The following TXNDC9 variants were observed in gnomAD, a reference collection of about 807,000 sequenced individuals.
TXNDC9 encodes thioredoxin domain-containing protein 9.
A neutral mutation model predicts 23.0 loss-of-function variants in TXNDC9; 7 were observed. The observed-to-expected ratio is 0.30, with a 90% CI of 0.17 to 0.57. The LOEUF is 0.57. TXNDC9 is among the 20% of genes least tolerant of loss of function. TXNDC9 has a pLI of 0.90. For synonymous variants in TXNDC9, 72 were observed against 90.6 expected, an observed-to-expected ratio of 0.79 and a Z score of 1.17; for missense variants, 198 against 252.6, an observed-to-expected ratio of 0.78 and a Z score of 1.47.
intron 2 of TXNDC9, among the ~76,000 whole-genome samples, chr2:99,329,015 A>AT (rs1486219262): frequency 1.3e-5 from 2 of 152,118 alleles, no homozygotes; most frequent in Admixed American, 6.6e-5. Context: ...TGCTTATGAG[A>AT]TAAACCCAAT....
At chr2:99,336,009 C>T (rs1201007220) in intron 1 of TXNDC9, among the ~76,000 whole-genome samples, 1 of 152,338 alleles carries the variant, frequency 6.6e-6, no homozygotes, top group South Asian at 2.1e-4. Context: ...ACCCCAGGTA[C>T]CTCCCCAATG....
chr2:99,310,318 C>T, the TXNDC9 span, among the ~76,000 whole-genome samples: 1 of 152,106 alleles, frequency 6.6e-6, no homozygotes, highest in Non-Finnish European at 1.5e-5. Context: ...CTCTGTTGTC[C>T]AGGCTGGAAT....
rs188212684 is a variant in TXNDC9, at chr2:99,325,936, G to A, written c.308+1599C>T. Among the ~76,000 whole-genome samples the A allele has an allele frequency of 2.4e-4, 37 of 152,092 alleles. 1 individual carries two copies. The highest frequency in any genetic ancestry group is 8.9e-4 in the African/African-American group (37 of 41,488). On this transcript the variant is annotated intron_variant, in intron 3 of 4. Coordinates refer to ENST00000264255, the MANE Select transcript of TXNDC9 (RefSeq NM_005783.4). Reference sequence around the variant, plus strand: ...TGAGGCAGGAGAATCACTTGAACCCGGGAGGTGGAGGTTGGAGTGAGCCAA... The same window carrying A: ...TGAGGCAGGAGAATCACTTGAACCCAGGAGGTGGAGGTTGGAGTGAGCCAA...
At chr2:99,311,947 A>AC in the TXNDC9 span, among the ~76,000 whole-genome samples, 5 of 134,668 alleles carry the variant, frequency 3.7e-5, no homozygotes, top group African/African-American at 1.3e-4. Context: ...ATCCTGTATA[A>AC]TAAAAAAGGA....
chr2:99,327,725 C>A, intron 2 of TXNDC9, 72 bp from the exon 3 acceptor site: 1 of 858,800 alleles, frequency 1.2e-6, no homozygotes, highest in Non-Finnish European at 1.8e-6. Flanking sequence ...TTTTAAGTGT[C>A]CAAATCACCA....
chr2:99,322,050 A>C lies in TXNDC9; in HGVS notation c.468T>G (p.Asp156Glu). Reference protein sequence around the residue: ...LALLKDGKTQDYVVGFTDLGN... With the variant: ...LALLKDGKTQEYVVGFTDLGN... ...CTAGGTCAGTAAACCCAACAACATA[A>C]TCTTGTGTTTTCCCATCTTTTAGCA... is the stretch of plus-strand genomic sequence containing the variant. Residue 156 changes from aspartate to glutamate, a missense_variant, in exon 4 of 5, where the codon GAT becomes GAG. Asp to Glu is a conservative substitution (Grantham distance 45, BLOSUM62 2). Transcript: ENST00000264255. 2 of 1,614,134 alleles carry C rather than the reference A, an allele frequency of 1.2e-6. No individual in the cohort carries two copies. The highest frequency in any genetic ancestry group is 1.1e-5 in the South Asian group (1 of 91,082).
At chr2:99,310,036 A>G in the TXNDC9 span, among the ~76,000 whole-genome samples, 3 of 152,182 alleles carry the variant, frequency 2.0e-5, no homozygotes, top group African/African-American at 7.2e-5. Flanking sequence ...TGGGAATAAA[A>G]AGAGTACCTA....
At chr2:99,335,837 G>T (rs2094238225) in intron 1 of TXNDC9, among the ~76,000 whole-genome samples, 1 of 152,188 alleles carries the variant, frequency 6.6e-6, no homozygotes, top group Non-Finnish European at 1.5e-5. Flanking sequence ...GCAACCCCTC[G>T]TTAGCTTTTC....
the TXNDC9 span, among the ~76,000 whole-genome samples, chr2:99,307,038 T>C: frequency 2.1e-4 from 5 of 23,496 alleles, no homozygotes; most frequent in African/African-American, 3.7e-4. Flanking sequence ...TTCTTCCTTT[T>C]CTTTCTTCCT....
At chr2:99,318,875 AGAG>A (rs2094195327), downstream of TXNDC9, 1 of 152,240 alleles carries the variant, frequency 6.6e-6, no homozygotes, top group Non-Finnish European at 1.5e-5. Flanking sequence ...CTACTCTTCC[AGAG>A]GAGAAACTGT....
At chr2:99,313,216 C>A in the TXNDC9 span, among the ~76,000 whole-genome samples, 1 of 152,048 alleles carries the variant, frequency 6.6e-6, no homozygotes, top group East Asian at 1.9e-4. Context: ...AAACTGCCAA[C>A]CAAGTCTTTT....
intron 2 of TXNDC9, among the ~76,000 whole-genome samples, chr2:99,330,629 C>G (rs1473000398): frequency 6.6e-6 from 1 of 152,180 alleles, no homozygotes; most frequent in Admixed American, 6.6e-5. Flanking sequence ...CTTACCTTAT[C>G]CCTCTATTCT....
At chr2:99,306,601 T>A in the TXNDC9 span, among the ~76,000 whole-genome samples, 3 of 152,118 alleles carry the variant, frequency 2.0e-5, no homozygotes, top group African/African-American at 7.2e-5. Flanking sequence ...GGAAACTTCA[T>A]ATGAACCCTC....
At chr2:99,315,705 G>C (rs939608605), downstream of TXNDC9, among the ~76,000 whole-genome samples, 8 of 152,002 alleles carry the variant, frequency 5.3e-5, no homozygotes, top group Non-Finnish European at 8.8e-5. Context: ...ATAAAGGAGG[G>C]GTCAATATTT....
downstream of TXNDC9, among the ~76,000 whole-genome samples, chr2:99,318,282 G>A (rs560260840): frequency 2.0e-5 from 3 of 152,242 alleles, no homozygotes; most frequent in Admixed American, 1.3e-4. Flanking sequence ...CAGATCCAAC[G>A]TATTTGGTGG....
intron 2 of TXNDC9, among the ~76,000 whole-genome samples, chr2:99,327,907 C>T (rs2094216456): frequency 6.6e-6 from 1 of 151,340 alleles, no homozygotes; most frequent in Non-Finnish European, 1.5e-5. Flanking sequence ...GCTTCAGCCT[C>T]CCGAGTAGCT....
downstream of TXNDC9, among the ~76,000 whole-genome samples, chr2:99,316,362 G>A (rs2094189049): frequency 6.6e-6 from 1 of 151,872 alleles, no homozygotes; most frequent in African/African-American, 2.4e-5. Context: ...TTGTAGAGAT[G>A]GGGTCTCACT....
chr2:99,329,866 C>T lies in TXNDC9; in HGVS notation c.190-2213G>A, dbSNP rs969376594. Among the ~76,000 whole-genome samples the T allele has an allele frequency of 3.3e-5, 5 of 152,070 alleles. No individual in the cohort carries two copies. The East Asian group carries it at 9.7e-4, about 29-fold the overall frequency. ...ACCTGTAATCCCAGCTCCTCGGGGG[C>T]TGAGGCACAATAATTGCTTGAACTC... On this transcript the variant is annotated intron_variant, in intron 2 of 4. Transcript: ENST00000264255.
intron 3 of TXNDC9, chr2:99,322,432 G>T: frequency 8.0e-7 from 1 of 1,248,910 alleles, no homozygotes; most frequent in Non-Finnish European, 1.1e-6. Context: ...AGTCAGATTT[G>T]CATTAATGAT....
Sources: gnomAD v4.1 joint callset for allele counts (sites outside exome capture counted in the v4.1 genomes callset) on GRCh38, gnomAD v4.1.1 for gene constraint, MANE v1.5 for transcripts, NCBI Gene and HGNC (gene_info 2026-07-23, HGNC 2026-07-21) for gene names.